The following N4BP2L2 variants were observed in gnomAD, a reference collection of about 807,000 sequenced individuals.
The protein encoded by N4BP2L2 is NEDD4 binding protein 2 like 2, also known as NEDD4-binding protein 2-like 2.
A neutral mutation model predicts 56.2 loss-of-function variants in N4BP2L2; 50 were observed. That is an observed-to-expected ratio of 0.89 (90% confidence interval 0.71 to 1.13). The LOEUF is 1.13. Ranked by LOEUF, N4BP2L2 falls within the 50% of genes most tolerant of loss-of-function variation. The probability of loss-of-function intolerance (pLI) is 0.00; values close to 1 mark genes in which losing one functional copy is unlikely to be tolerated. For missense variants in N4BP2L2, 689 were observed against 693.8 expected, an observed-to-expected ratio of 0.99 and a Z score of 0.08; for synonymous variants, 203 against 223.6, an observed-to-expected ratio of 0.91 and a Z score of 0.82.
intron 6 of N4BP2L2, among the ~76,000 whole-genome samples, chr13:32,463,120 C>T (rs1406138048): frequency 6.6e-6 from 1 of 151,756 alleles, no homozygotes; most frequent in Non-Finnish European, 1.5e-5. Flanking sequence ...GATGGAAGTA[C>T]AAAAGAGACC....
intron 6 of N4BP2L2, among the ~76,000 whole-genome samples, chr13:32,479,680 A>G (rs2084173215): frequency 6.6e-6 from 1 of 152,142 alleles, no homozygotes; most frequent in Non-Finnish European, 1.5e-5. Flanking sequence ...ATTACTGAAA[A>G]AAACCTTGTC....
chr13:32,452,738 T>A (rs528615690), intron 6 of N4BP2L2, among the ~76,000 whole-genome samples: 2 of 152,180 alleles, frequency 1.3e-5, no homozygotes, highest in Non-Finnish European at 2.9e-5. Context: ...CAGGAATAGA[T>A]GAGAACTTCC....
chr13:32,476,024 T>G (rs1447837542), intron 6 of N4BP2L2, among the ~76,000 whole-genome samples: 1 of 152,196 alleles, frequency 6.6e-6, no homozygotes, highest in Non-Finnish European at 1.5e-5. Flanking sequence ...TTGAGGAGAA[T>G]TACATTTCCA....
intron 6 of N4BP2L2, among the ~76,000 whole-genome samples, chr13:32,471,189 T>G (rs1316047506): frequency 6.6e-6 from 1 of 152,230 alleles, no homozygotes; most frequent in Non-Finnish European, 1.5e-5. Flanking sequence ...GTGCCAAACC[T>G]GTGTATCAGG....
intron 6 of N4BP2L2, among the ~76,000 whole-genome samples, chr13:32,489,305 T>C (rs1190356772): frequency 6.6e-6 from 1 of 152,226 alleles, no homozygotes; most frequent in East Asian, 1.9e-4. Context: ...ATGTACGCTG[T>C]TTTTACTTTG....
At chr13:32,492,460 C>T (rs2087387575) in intron 6 of N4BP2L2, among the ~76,000 whole-genome samples, 1 of 151,616 alleles carries the variant, frequency 6.6e-6, no homozygotes, top group Non-Finnish European at 1.5e-5. Context: ...ATCATTTTTC[C>T]TATGTAGCAA....
At chr13:32,532,247 T>C (rs961037928) in intron 2 of N4BP2L2, among the ~76,000 whole-genome samples, 2 of 152,180 alleles carry the variant, frequency 1.3e-5, no homozygotes, top group Non-Finnish European at 2.9e-5. Context: ...GTAAAACAGA[T>C]GATAACAACA....
chr13:32,451,291 A>G (rs1195442423), intron 6 of N4BP2L2, among the ~76,000 whole-genome samples: 6 of 151,940 alleles, frequency 3.9e-5, no homozygotes, highest in Non-Finnish European at 7.4e-5. Flanking sequence ...AAAAAAATAT[A>G]TATACACACA....
intron 7 of N4BP2L2, among the ~76,000 whole-genome samples, chr13:32,441,736 TATAA>T (rs1172779761): frequency 7.5e-6 from 1 of 132,730 alleles, no homozygotes; most frequent in African/African-American, 2.9e-5. Context: ...AATAAATAAA[TATAA>T]AAAAAGAAAG....
intron 6 of N4BP2L2, among the ~76,000 whole-genome samples, chr13:32,456,330 G>C (rs2078981035): frequency 1.3e-5 from 2 of 152,160 alleles, no homozygotes; most frequent in African/African-American, 2.4e-5. Flanking sequence ...CAGAATAAAA[G>C]CTAAAGTGTC....
chr13:32,537,147 A>G lies in N4BP2L2; in HGVS notation c.1-120T>C, dbSNP rs193005839. On this transcript the variant is annotated intron_variant, in intron 1 of 5. Coordinates refer to ENST00000267068, the Ensembl canonical transcript of N4BP2L2. ...AATTTGTGATATATTTAATGGTAACAATTTCCCAAAATACCAGTCACTTTC... is the reference window on the plus strand; with the variant it reads ...AATTTGTGATATATTTAATGGTAACGATTTCCCAAAATACCAGTCACTTTC... 4.9e-3 allele frequency: 3,324 copies of G among 671,660 alleles called. 20 individuals are homozygous for G. Among genetic ancestry groups the G allele is most frequent in the Non-Finnish European group, 6.3e-3 (2,835 of 447,096 alleles). The allele number at this position is 671,660 out of a possible 1,614,324, so 41.6% of individuals were successfully genotyped here. A position where few individuals can be genotyped will look rare whatever the true frequency, so the allele number is the denominator to read the frequency against.
chr13:32,455,786 C>A (rs545726410), intron 6 of N4BP2L2, among the ~76,000 whole-genome samples: 3 of 152,200 alleles, frequency 2.0e-5, no homozygotes, highest in South Asian at 4.2e-4. Flanking sequence ...GGCGGGATCT[C>A]CGCACTCCTC....
At chr13:32,461,746 G>A (rs2080122270) in intron 6 of N4BP2L2, among the ~76,000 whole-genome samples, 1 of 152,146 alleles carries the variant, frequency 6.6e-6, no homozygotes, top group South Asian at 2.1e-4. Flanking sequence ...AGGACTACAG[G>A]TGTGCACCGT....
intron 6 of N4BP2L2, among the ~76,000 whole-genome samples, chr13:32,453,877 A>G (rs2078524404): frequency 6.6e-6 from 1 of 152,196 alleles, no homozygotes; most frequent in Non-Finnish European, 1.5e-5. Flanking sequence ...GACAAACACA[A>G]CTACCCAGTG....
chr13:32,460,337 T>C (rs997944166), intron 6 of N4BP2L2, among the ~76,000 whole-genome samples: 2 of 152,106 alleles, frequency 1.3e-5, no homozygotes, highest in Admixed American at 1.3e-4. Flanking sequence ...ATAAAAAGCA[T>C]CCAAATTGAA....
intron 6 of N4BP2L2, among the ~76,000 whole-genome samples, chr13:32,470,671 T>C (rs749837031): frequency 2.0e-5 from 3 of 152,214 alleles, no homozygotes; most frequent in Non-Finnish European, 4.4e-5. Context: ...ACTTACCCAA[T>C]AGCGGGATGG....
chr13:32,462,460 G>T (rs2080297522), intron 6 of N4BP2L2, among the ~76,000 whole-genome samples: 1 of 151,988 alleles, frequency 6.6e-6, no homozygotes, highest in Admixed American at 6.6e-5. Context: ...TGGGTGAGTG[G>T]GTGGGGCGTG....
chr13:32,479,961 T>C (rs922962741), intron 6 of N4BP2L2, among the ~76,000 whole-genome samples: 1 of 151,608 alleles, frequency 6.6e-6, no homozygotes, highest in African/African-American at 2.4e-5. Context: ...TTGAAGAGAT[T>C]TATCACTGAT....
At chr13:32,486,600 C>T (rs1003135493) in intron 6 of N4BP2L2, among the ~76,000 whole-genome samples, 7 of 151,838 alleles carry the variant, frequency 4.6e-5, no homozygotes, top group Non-Finnish European at 7.4e-5. Flanking sequence ...CGCTTGAACC[C>T]GGGAGGCAAA....
Sources: allele counts gnomAD v4.1 joint callset (sites outside exome capture counted in the v4.1 genomes callset), GRCh38; gene constraint gnomAD v4.1.1; transcripts MANE v1.5; gene names NCBI Gene and HGNC (gene_info 2026-07-23, HGNC 2026-07-21).